GNB4: variants seen among roughly 807,000 people sequenced by gnomAD.
GNB4 encodes the protein guanine nucleotide-binding protein subunit beta-4.
Under a neutral mutation model 45.2 loss-of-function variants are expected in GNB4, and 28 were observed. The observed-to-expected ratio is 0.62, with a 90% CI of 0.46 to 0.85. The LOEUF is 0.85. GNB4 is among the 40% of genes least tolerant of loss of function. The pLI, the probability that GNB4 is intolerant of heterozygous loss-of-function variation, is 0.00. For synonymous variants in GNB4, 132 were observed against 143.7 expected (o/e 0.92, Z 0.58); for missense variants, 321 against 425.4 (o/e 0.75, Z 2.16).
At chr3:179,488,711 A>G in the GNB4 span, among the ~76,000 whole-genome samples, 3 of 151,990 alleles carry the variant, frequency 2.0e-5, no homozygotes, top group African/African-American at 7.2e-5. Context: ...TTGGCCATGC[A>G]TGGCGGTTCA....
the GNB4 span, among the ~76,000 whole-genome samples, chr3:179,483,882 A>G: frequency 6.6e-6 from 1 of 152,174 alleles, no homozygotes; most frequent in African/African-American, 2.4e-5. Context: ...TTAAAGTCAA[A>G]ATATTTGACA....
At chr3:179,495,271 T>C in the GNB4 span, among the ~76,000 whole-genome samples, 2 of 149,484 alleles carry the variant, frequency 1.3e-5, no homozygotes, top group Non-Finnish European at 3.0e-5. Context: ...AGCTCAGGAG[T>C]TCAGGACCAG....
At chr3:179,487,048 G>A in the GNB4 span, among the ~76,000 whole-genome samples, 2 of 152,150 alleles carry the variant, frequency 1.3e-5, no homozygotes, top group Non-Finnish European at 2.9e-5. Flanking sequence ...TTCAGACAGA[G>A]AAAGCTTTCA....
chr3:179,473,717 T>A, the GNB4 span, among the ~76,000 whole-genome samples: 2 of 152,204 alleles, frequency 1.3e-5, no homozygotes, highest in South Asian at 4.1e-4. Flanking sequence ...AACTTTTTTC[T>A]AACTTCCCGT....
At chr3:179,522,778 G>A in the GNB4 span, among the ~76,000 whole-genome samples, 8 of 152,184 alleles carry the variant, frequency 5.3e-5, no homozygotes, top group Admixed American at 1.3e-4. Flanking sequence ...ATACAGTCAT[G>A]GGGGTCAGGT....
At chr3:179,486,218 C>T in the GNB4 span, among the ~76,000 whole-genome samples, 1 of 46,616 alleles carries the variant, frequency 2.1e-5, no homozygotes, top group Admixed American at 3.1e-4. Flanking sequence ...GAGACTCTGT[C>T]TCAAAAAAAA....
chr3:179,495,188 G>C, the GNB4 span, among the ~76,000 whole-genome samples: 1 of 152,092 alleles, frequency 6.6e-6, no homozygotes. Flanking sequence ...AGGAGTTAGA[G>C]ACCAGTATGG....
At chr3:179,517,668 G>C in the GNB4 span, among the ~76,000 whole-genome samples, 1 of 139,612 alleles carries the variant, frequency 7.2e-6, no homozygotes, top group Admixed American at 7.4e-5. Flanking sequence ...AACCTCTCTT[G>C]CTATCCCTCA....
At chr3:179,422,938 A>G (rs985902232) in intron 2 of GNB4, among the ~76,000 whole-genome samples, 2 of 151,778 alleles carry the variant, frequency 1.3e-5, no homozygotes, top group Non-Finnish European at 2.9e-5. Context: ...GACTATAGGT[A>G]CCCACCACCA....
At chr3:179,432,854 C>G (rs185878604) in intron 1 of GNB4, among the ~76,000 whole-genome samples, 1 of 152,036 alleles carries the variant, frequency 6.6e-6, no homozygotes, top group African/African-American at 2.4e-5. Flanking sequence ...AAACAGAAAT[C>G]AGGGAAGTGG....
In GNB4 at chr3:179,420,868, TA is replaced by T; in HGVS notation, c.96+20del. On this transcript the variant is annotated intron_variant, in intron 3 of 9. Coordinates refer to ENST00000232564, the MANE Select transcript of GNB4 (RefSeq NM_021629.4). ...TATTTTATGAGTTACCAAAATGAAA[TA>T]AAGAAAAACAAAACTTTACCTGAAC... 1.3e-6 allele frequency: 2 copies of T among 1,512,050 alleles called. No homozygotes were observed. Among genetic ancestry groups the T allele is most frequent in the Non-Finnish European group, 1.8e-6 (2 of 1,091,404 alleles). The allele number at this position is 1,512,050 out of a possible 1,614,324, so 93.7% of individuals were successfully genotyped here.
chr3:179,422,766 A>T (rs748316163), intron 2 of GNB4, among the ~76,000 whole-genome samples: 1 of 152,188 alleles, frequency 6.6e-6, no homozygotes, highest in Non-Finnish European at 1.5e-5. Flanking sequence ...ATATAGTTAG[A>T]TTATATTTCC....
chr3:179,481,538 C>G, the GNB4 span, among the ~76,000 whole-genome samples: 2 of 151,986 alleles, frequency 1.3e-5, no homozygotes, highest in Non-Finnish European at 2.9e-5. Flanking sequence ...CAAGGTCTCA[C>G]TATATTGCCC....
upstream of GNB4, among the ~76,000 whole-genome samples, chr3:179,454,665 T>A (rs1251896246): frequency 2.0e-5 from 3 of 152,180 alleles, no homozygotes; most frequent in African/African-American, 7.2e-5. Flanking sequence ...TGAGCCTACC[T>A]TGCTCTCAGA....
chr3:179,487,865 C>A, the GNB4 span, among the ~76,000 whole-genome samples: 1 of 152,050 alleles, frequency 6.6e-6, no homozygotes, highest in African/African-American at 2.4e-5. Flanking sequence ...GCCTGCCCAA[C>A]ATGGTGAAAC....
At chr3:179,465,045 A>G in the GNB4 span, 1 of 1,501,550 alleles carries the variant, frequency 6.7e-7, no homozygotes, top group Non-Finnish European at 9.3e-7. Context: ...TCTTATCGAT[A>G]TACTTCCAAA....
chr3:179,418,907 T>C (rs1403091802), intron 4 of GNB4, among the ~76,000 whole-genome samples: 1 of 152,252 alleles, frequency 6.6e-6, no homozygotes, highest in African/African-American at 2.4e-5. Context: ...CTGCAGATGG[T>C]CAGCTTGCAC....
chr3:179,525,029 G>A, the GNB4 span, among the ~76,000 whole-genome samples: 32 of 152,220 alleles, frequency 2.1e-4, no homozygotes, highest in African/African-American at 6.7e-4. Context: ...AGATGGGTCT[G>A]TAGAAAAGGA....
At chr3:179,465,839 T>C in the GNB4 span, among the ~76,000 whole-genome samples, 39 of 123,654 alleles carry the variant, frequency 3.2e-4, no homozygotes, top group African/African-American at 1.2e-3. Context: ...TTTTTTTTTG[T>C]AGAGATGGGG....
Sources: gnomAD v4.1 joint callset for allele counts (sites outside exome capture counted in the v4.1 genomes callset) on GRCh38, gnomAD v4.1.1 for gene constraint, MANE v1.5 for transcripts, NCBI Gene and HGNC (gene_info 2026-07-23, HGNC 2026-07-21) for gene names.